CNTN3: variants seen among roughly 807,000 people sequenced by gnomAD.
The protein encoded by CNTN3 is contactin-3.
Under a neutral mutation model 119.1 loss-of-function variants are expected in CNTN3, and 60 were observed. That is an observed-to-expected ratio of 0.50 (90% CI 0.41 to 0.62). The LOEUF is 0.62. Among genes scored for constraint, CNTN3 ranks in the 20% least tolerant of loss-of-function variants. The pLI, the probability that CNTN3 is intolerant of heterozygous loss-of-function variation, is 0.00. For synonymous variants in CNTN3, 450 were observed against 438.7 expected (o/e 1.03, Z -0.32); for missense variants, 1,101 against 1,242.4 (o/e 0.89, Z 1.71).
intron 4 of CNTN3, among the ~76,000 whole-genome samples, chr3:74,467,909 T>G (rs1057014573): frequency 1.3e-5 from 2 of 152,192 alleles, no homozygotes; most frequent in Admixed American, 6.5e-5. Context: ...TAAGCAAGAA[T>G]CTTTCTGAGG....
intron 17 of CNTN3, among the ~76,000 whole-genome samples, 171 bp downstream of exon 17, chr3:74,299,697 C>T (rs971474852): frequency 6.6e-6 from 1 of 152,112 alleles, no homozygotes; most frequent in Non-Finnish European, 1.5e-5. Context: ...AGCCCCACTA[C>T]CACTAATCCC....
At chr3:74,500,477 C>T (rs1187483359) in intron 2 of CNTN3, among the ~76,000 whole-genome samples, 1 of 146,836 alleles carries the variant, frequency 6.8e-6, no homozygotes, top group East Asian at 2.0e-4. Flanking sequence ...TAATCTTTGC[C>T]ATAGCATTTC....
At chr3:74,270,381 G>T (rs893381868) in intron 20 of CNTN3, among the ~76,000 whole-genome samples, 5 of 152,186 alleles carry the variant, frequency 3.3e-5, no homozygotes, top group African/African-American at 9.6e-5. Context: ...AAGTCCCAGA[G>T]ATTGGCTGCT....
intron 4 of CNTN3, among the ~76,000 whole-genome samples, chr3:74,474,320 A>T (rs1702615887): frequency 6.6e-6 from 1 of 152,194 alleles, no homozygotes; most frequent in African/African-American, 2.4e-5. Context: ...GGAGAACATC[A>T]GAAAAGACCA....
At chr3:74,362,292 T>C (rs1029444146) in intron 10 of CNTN3, among the ~76,000 whole-genome samples, 1 of 152,186 alleles carries the variant, frequency 6.6e-6, no homozygotes, top group Non-Finnish European at 1.5e-5. Flanking sequence ...AGCTCAATCA[T>C]GTGTTTATTA....
intron 1 of CNTN3, among the ~76,000 whole-genome samples, chr3:74,561,274 C>T (rs2107174172): frequency 6.6e-6 from 1 of 152,156 alleles, no homozygotes; most frequent in South Asian, 2.1e-4. Context: ...TTGCTATTCT[C>T]CTCCCAGCAG....
rs112764809 is a variant in CNTN3 at position 74,267,377 on chromosome 3, A to G, written c.2706T>C (p.Pro902=). Residue 902 remains proline, a splice_region_variant and synonymous_variant, in exon 21 of 23, where the codon CCT becomes CCC. Coordinates refer to ENST00000263665, the MANE Select transcript of CNTN3 (RefSeq NM_020872.3). The part of the protein sequence containing the change: ...ATVNVTTKKT[P]PSQPPGNVVW... ...CAACATTTCCTGGTGGCTGACTGGG[A>G]GCTTGAAATGCAAAATGAGAAATTT... 4.4e-6 allele frequency: 7 copies of G among 1,605,610 alleles called. No homozygotes were observed. The highest frequency in any genetic ancestry group is 2.2e-5 in the South Asian group (2 of 90,898).
At chr3:74,315,317 G>T (rs571547792) in intron 13 of CNTN3, among the ~76,000 whole-genome samples, 1 of 152,248 alleles carries the variant, frequency 6.6e-6, no homozygotes, top group African/African-American at 2.4e-5. Context: ...AGCAGATCTC[G>T]AGGCTGCTCT....
intron 4 of CNTN3, among the ~76,000 whole-genome samples, chr3:74,429,743 TAAAG>T (rs1332820827): frequency 6.6e-6 from 1 of 151,952 alleles, no homozygotes; most frequent in Non-Finnish European, 1.5e-5. Flanking sequence ...ACTTATCCAC[TAAAG>T]AAAGAGTATC....
chr3:74,438,717 T>C (rs945215869), intron 4 of CNTN3, among the ~76,000 whole-genome samples: 3 of 152,220 alleles, frequency 2.0e-5, no homozygotes, highest in African/African-American at 7.2e-5. Flanking sequence ...GCTCTTGATA[T>C]TTAGCATCTG....
At chr3:74,318,424 A>G (rs1702893023) in intron 13 of CNTN3, among the ~76,000 whole-genome samples, 1 of 151,740 alleles carries the variant, frequency 6.6e-6, no homozygotes, top group South Asian at 2.1e-4. Flanking sequence ...TGATTTTTAG[A>G]GTTTCCAGTT....
intron 4 of CNTN3, among the ~76,000 whole-genome samples, chr3:74,454,867 C>T (rs988904953): frequency 4.6e-5 from 7 of 152,188 alleles, no homozygotes; most frequent in African/African-American, 9.6e-5. Context: ...GAGTTTCTGC[C>T]GAGAGATCCA....
At chr3:74,561,611 C>T (rs1436272729) in intron 1 of CNTN3, among the ~76,000 whole-genome samples, 5 of 152,110 alleles carry the variant, frequency 3.3e-5, no homozygotes, top group Admixed American at 2.0e-4. Context: ...ACAGAAGTGT[C>T]CTTCTTCCCC....
intron 1 of CNTN3, among the ~76,000 whole-genome samples, chr3:74,592,028 C>T (rs1704711326): frequency 6.6e-6 from 1 of 151,896 alleles, no homozygotes; most frequent in Non-Finnish European, 1.5e-5. Context: ...AAATATCAAC[C>T]AGCCAGAGCA....
chr3:74,575,121 C>T (rs1332914565), intron 1 of CNTN3, among the ~76,000 whole-genome samples: 2 of 151,942 alleles, frequency 1.3e-5, no homozygotes, highest in Non-Finnish European at 2.9e-5. Context: ...GACAGGGTTT[C>T]ACTATGTTGC....
chr3:74,297,024 A>T (rs1470771969), intron 18 of CNTN3, among the ~76,000 whole-genome samples: 2 of 152,178 alleles, frequency 1.3e-5, no homozygotes, highest in Non-Finnish European at 2.9e-5. Flanking sequence ...GGTATAAAAG[A>T]AAGGCAAAGA....
intron 4 of CNTN3, among the ~76,000 whole-genome samples, chr3:74,442,106 A>T (rs1701975505): frequency 6.6e-6 from 1 of 151,724 alleles, no homozygotes; most frequent in South Asian, 2.1e-4. Flanking sequence ...TTGTTAGATG[A>T]CAAGGTAACC....
chr3:74,585,697 C>T (rs1357300261), intron 1 of CNTN3, among the ~76,000 whole-genome samples: 1 of 152,116 alleles, frequency 6.6e-6, no homozygotes, highest in Non-Finnish European at 1.5e-5. Context: ...AAATTCAAGA[C>T]ACTTAACTTG....
At chr3:74,592,712 T>C (rs907424526) in intron 1 of CNTN3, among the ~76,000 whole-genome samples, 1 of 151,978 alleles carries the variant, frequency 6.6e-6, no homozygotes, top group Non-Finnish European at 1.5e-5. Context: ...CTAACCCACA[T>C]CTAACAAAGA....
Sources: allele counts gnomAD v4.1 joint callset (sites outside exome capture counted in the v4.1 genomes callset), GRCh38; gene constraint gnomAD v4.1.1; transcripts MANE v1.5; gene names NCBI Gene and HGNC (gene_info 2026-07-23, HGNC 2026-07-21).